The following GLI2 variants were observed in gnomAD, a reference collection of about 807,000 sequenced individuals.
The protein encoded by GLI2 is transcription activator GLI2.
GLI2 carries 22 observed loss-of-function variants against 78.9 expected under a neutral mutation model. That is an observed-to-expected ratio of 0.28 (90% CI 0.20 to 0.40). GLI2 has a LOEUF of 0.40. Among genes scored for constraint, GLI2 ranks in the 10% least tolerant of loss-of-function variants. The probability of loss-of-function intolerance (pLI) is 1.00; values close to 1 mark genes in which losing one functional copy is unlikely to be tolerated. For missense variants in GLI2, 2,097 were observed against 2,213.2 expected, an observed-to-expected ratio of 0.95 and a Z score of 1.05; for synonymous variants, 974 against 963.7, an observed-to-expected ratio of 1.01 and a Z score of -0.20.
intron 10 of GLI2, among the ~76,000 whole-genome samples, chr2:120,982,034 T>G (rs1194370609): frequency 6.6e-6 from 1 of 152,148 alleles, no homozygotes; most frequent in African/African-American, 2.4e-5. Flanking sequence ...TAGAGTGTTG[T>G]GATTGAGAAT....
intron 11 of GLI2, 104 bp downstream of exon 11, chr2:120,982,984 C>G: frequency 9.6e-7 from 1 of 1,046,044 alleles, no homozygotes; most frequent in Non-Finnish European, 1.4e-6. Flanking sequence ...GCCCCATGTC[C>G]CGCCCCCGCC....
intron 2 of GLI2, among the ~76,000 whole-genome samples, chr2:120,850,892 A>G (rs146855948): frequency 1.5e-4 from 23 of 152,254 alleles, no homozygotes; most frequent in Non-Finnish European, 1.2e-4. Flanking sequence ...AGGATTAAAG[A>G]ATCAAAACGT....
rs574293436 is a variant in GLI2 at position 120,951,310 on chromosome 2, G to A, written c.322G>A (p.Ala108Thr). 11 of 1,610,266 alleles carry A rather than the reference G, an allele frequency of 6.8e-6. No individual in the cohort carries two copies. In the South Asian group the frequency reaches 1.1e-4, roughly 16 times the overall value. The change falls in exon 4 of 14, where the codon GCT becomes ACT. Residue 108 changes from alanine to threonine, a missense_variant. This residue lies in a region of GLI2 where 578 missense variants were observed against 612.0 expected (regional missense o/e 0.94). Coordinates refer to ENST00000361492, the MANE Select transcript of GLI2 (RefSeq NM_001374353.1). ...CTTGATCCGGCTTTCCCCGCACCCG[G>A]CTGGCCCTGGGGAGTCCCCCTTCAA... is the stretch of plus-strand genomic sequence containing the variant. ...ISLIRLSPHP[A>T]GPGESPFNAP...
chr2:120,909,540 T>C (rs1198713566), intron 2 of GLI2, among the ~76,000 whole-genome samples: 4 of 152,202 alleles, frequency 2.6e-5, no homozygotes, highest in Non-Finnish European at 4.4e-5. Context: ...CCTCTGTGAC[T>C]GTGGTTAGAT....
intron 5 of GLI2, among the ~76,000 whole-genome samples, chr2:120,964,859 G>A (rs950276507): frequency 1.3e-5 from 2 of 152,270 alleles, no homozygotes; most frequent in African/African-American, 4.8e-5. Flanking sequence ...GGACAGAGAA[G>A]ACACAGAGTC....
rs199673018 is a variant in GLI2 at position 120,968,925 on chromosome 2, G to A, written c.845+10G>A. 2.1e-4 allele frequency: 332 copies of A among 1,604,076 alleles called. 2 individuals carry two copies. Among genetic ancestry groups the A allele is most frequent in the East Asian group, 9.8e-4 (44 of 44,822 alleles). Reference sequence around the variant, plus strand: ...CAGCGGGTGCCCTCAGGTGAGCCCCGCCTGCAAGCAGAGAGCTGAGGACCA... The same window carrying A: ...CAGCGGGTGCCCTCAGGTGAGCCCCACCTGCAAGCAGAGAGCTGAGGACCA... On this transcript the variant is annotated intron_variant, in intron 6 of 13. Transcript: ENST00000361492.
intron 1 of GLI2, among the ~76,000 whole-genome samples, chr2:120,766,145 T>A (rs563489194): frequency 6.6e-6 from 1 of 152,186 alleles, no homozygotes. Flanking sequence ...GGATGAGTTA[T>A]CCCTGCTGTT....
intron 4 of GLI2, chr2:120,951,809 C>T (rs984526802): frequency 6.3e-5 from 12 of 190,844 alleles, no homozygotes; most frequent in Non-Finnish European, 1.1e-4. Flanking sequence ...AGAAGGAAGG[C>T]GGAGTGGGCT....
chr2:120,870,541 T>C (rs893993719), intron 2 of GLI2, among the ~76,000 whole-genome samples: 1 of 152,182 alleles, frequency 6.6e-6, no homozygotes, highest in Non-Finnish European at 1.5e-5. Context: ...GAGTATGGCC[T>C]CAGCGGAGGT....
intron 3 of GLI2, among the ~76,000 whole-genome samples, chr2:120,950,583 T>A (rs11122835): frequency 1.3e-5 from 2 of 152,132 alleles, no homozygotes; most frequent in South Asian, 2.1e-4. Context: ...TTGGGGCATC[T>A]GAGAAGGGTG....
At chr2:120,860,111 T>C (rs2104637746) in intron 2 of GLI2, among the ~76,000 whole-genome samples, 1 of 152,092 alleles carries the variant, frequency 6.6e-6, no homozygotes, top group African/African-American at 2.4e-5. Context: ...CTGGCTGTGG[T>C]GTGAGGGTGG....
chr2:120,972,653 A>C (rs1329408167), intron 8 of GLI2: 3 of 518,844 alleles, frequency 5.8e-6, no homozygotes, highest in African/African-American at 5.8e-5. Context: ...ACTGGGTTCC[A>C]TGCCACCAGG....
intron 2 of GLI2, among the ~76,000 whole-genome samples, chr2:120,848,209 G>C (rs533434720): frequency 6.6e-6 from 1 of 152,318 alleles, no homozygotes; most frequent in East Asian, 1.9e-4. Context: ...GCCTGACTCC[G>C]CCGCCTGGTT....
At chr2:120,939,755 T>A (rs528053084) in intron 3 of GLI2, among the ~76,000 whole-genome samples, 6 of 152,322 alleles carry the variant, frequency 3.9e-5, no homozygotes, top group African/African-American at 1.4e-4. Context: ...GGGCCCCAAG[T>A]GCGGGGTTAT....
intron 2 of GLI2, among the ~76,000 whole-genome samples, chr2:120,834,102 C>CA (rs1686493937): frequency 6.6e-6 from 1 of 152,134 alleles, no homozygotes; most frequent in African/African-American, 2.4e-5. Flanking sequence ...GCACAATGTA[C>CA]AAAAATGTTT....
Position 120,921,268 on chromosome 2 carries a change from G to GC in GLI2, c.149-6093_149-6092insC, listed in dbSNP as rs938354470. On this transcript the variant is annotated intron_variant, in intron 2 of 13. Transcript: ENST00000361492. Reference sequence around the variant, plus strand: ...TGCACGTGTGTGCATGTGTGTTGGTGGGGGGTGTTGGGGTGCTGTCCTATT... The same window carrying GC: ...TGCACGTGTGTGCATGTGTGTTGGTGCGGGGGTGTTGGGGTGCTGTCCTATT... Among the ~76,000 whole-genome samples, 469 of 136,666 alleles carry GC rather than the reference G, an allele frequency of 3.4e-3. 4 individuals carry two copies. Among genetic ancestry groups the GC allele is most frequent in the African/African-American group, 0.016 (442 of 27,262 alleles). The allele number at this position is 136,666 out of a possible 152,430, so 89.7% of individuals were successfully genotyped here.
chr2:120,882,303 C>T (rs1048425537), intron 2 of GLI2, among the ~76,000 whole-genome samples: 2 of 152,160 alleles, frequency 1.3e-5, no homozygotes, highest in African/African-American at 4.8e-5. Context: ...CAGCTCACCA[C>T]AGGGAAGGAG....
At chr2:120,978,776 A>C (rs547815590) in intron 10 of GLI2, among the ~76,000 whole-genome samples, 193 bp downstream of exon 10, 1 of 152,138 alleles carries the variant, frequency 6.6e-6, no homozygotes, top group African/African-American at 2.4e-5. Context: ...GTGCCGTCCC[A>C]GACCTTGATG....
intron 2 of GLI2, among the ~76,000 whole-genome samples, chr2:120,888,442 C>T (rs892396215): frequency 6.6e-5 from 10 of 152,186 alleles, no homozygotes; most frequent in Admixed American, 3.3e-4. Context: ...TGAACAGCAC[C>T]GCCATCACTT....
Sources: gnomAD v4.1 joint callset for allele counts (sites outside exome capture counted in the v4.1 genomes callset) on GRCh38, gnomAD v4.1.1 for gene constraint, gnomAD v4.1.1 regional missense constraint, MANE v1.5 for transcripts, NCBI Gene and HGNC (gene_info 2026-07-23, HGNC 2026-07-21) for gene names.